MBOAT2: variants seen among roughly 807,000 people sequenced by gnomAD.
MBOAT2 encodes membrane bound glycerophospholipid O-acyltransferase 2.
A neutral mutation model predicts 63.4 loss-of-function variants in MBOAT2; 28 were observed. The observed-to-expected ratio is 0.44, with a 90% CI of 0.33 to 0.61. The LOEUF (loss-of-function observed/expected upper bound fraction) is 0.61, where lower values mean the gene tolerates loss of function less well. Among genes scored for constraint, MBOAT2 ranks in the 20% least tolerant of loss-of-function variants. MBOAT2 has a pLI of 0.03. For synonymous variants in MBOAT2, 211 were observed against 215.6 expected, an observed-to-expected ratio of 0.98 and a Z score of 0.19; for missense variants, 470 against 605.8, an observed-to-expected ratio of 0.78 and a Z score of 2.35.
chr2:8,882,900 TG>T (rs1337225191), intron 5 of MBOAT2, among the ~76,000 whole-genome samples: 2 of 152,206 alleles, frequency 1.3e-5, no homozygotes, highest in African/African-American at 4.8e-5. Flanking sequence ...TTTTCTATTA[TG>T]GGATGACTTA....
At chr2:8,934,025 C>G (rs1271576687) in intron 3 of MBOAT2, among the ~76,000 whole-genome samples, 2 of 152,178 alleles carry the variant, frequency 1.3e-5, no homozygotes, top group African/African-American at 2.4e-5. Context: ...CTCAATCACA[C>G]CCTTTCCTGA....
intron 2 of MBOAT2, among the ~76,000 whole-genome samples, chr2:8,954,227 G>A (rs1488224497): frequency 6.6e-6 from 1 of 152,096 alleles, no homozygotes; most frequent in East Asian, 1.9e-4. Flanking sequence ...ATCAGGCTGT[G>A]GAGTTCAACC....
At chr2:8,902,092 A>G (rs1459123612) in intron 4 of MBOAT2, among the ~76,000 whole-genome samples, 1 of 152,164 alleles carries the variant, frequency 6.6e-6, no homozygotes, top group African/African-American at 2.4e-5. Flanking sequence ...AGGTACAGGA[A>G]AAGTGGAAGC....
In MBOAT2 at chr2:8,881,763, G is replaced by T. The variant is rs1323920960; in HGVS notation, c.506+748C>A. On this transcript the variant is annotated intron_variant, in intron 6 of 12. Transcript: ENST00000305997. ...TTTTAAAGACAGGAAAATACAAAAA[G>T]ACCCCCAAGACATGCTACTTGGGAT... Among the ~76,000 whole-genome samples the T allele has an allele frequency of 3.2e-4, 49 of 152,074 alleles. 1 individual carries two copies. The highest frequency in any genetic ancestry group is 3.1e-3 in the Admixed American group (47 of 15,274).
At chr2:8,943,123 C>A in intron 3 of MBOAT2, 64 bp downstream of exon 3, 3 of 884,714 alleles carry the variant, frequency 3.4e-6, no homozygotes, top group South Asian at 5.5e-5. Flanking sequence ...AAATAAAATT[C>A]TATTTTGATG....
chr2:8,946,279 C>A (rs1301893610), intron 2 of MBOAT2, among the ~76,000 whole-genome samples: 1 of 152,146 alleles, frequency 6.6e-6, no homozygotes, highest in Admixed American at 6.5e-5. Context: ...ACCAAGGCAC[C>A]CACACTGGAA....
At position 8,862,781 on chromosome 2, in the gene MBOAT2, C is replaced by T; in HGVS notation, c.1053-59G>A. ...GAGTGAGTGACCCGAGTTTACAAAG[C>T]CTGCAATGATCATTCTTTTATTACC... On this transcript the variant is annotated intron_variant, in intron 10 of 12. Coordinates refer to ENST00000305997, the MANE Select transcript of MBOAT2 (RefSeq NM_138799.4). This position sits in a 1 kb window ranked among gnomAD's most constrained non-coding sequence, Gnocchi z 4.3. The T allele has an allele frequency of 1.3e-6, 2 of 1,555,094 alleles. No individual in the cohort carries two copies. The highest frequency in any genetic ancestry group is 1.7e-6 in the Non-Finnish European group (2 of 1,154,062).
chr2:8,987,422 T>A (rs562981555), intron 1 of MBOAT2, among the ~76,000 whole-genome samples: 1 of 152,358 alleles, frequency 6.6e-6, no homozygotes, highest in East Asian at 1.9e-4. Flanking sequence ...ACAATTAAGA[T>A]CTATGCATTT....
intron 2 of MBOAT2, 145 bp downstream of exon 2, chr2:8,958,352 A>C: frequency 1.3e-6 from 1 of 770,794 alleles, no homozygotes; most frequent in Middle Eastern, 4.3e-4. Context: ...TTGTTTCAAA[A>C]ATAAAAATAT....
chr2:8,869,478 G>C (rs968961240), intron 8 of MBOAT2, among the ~76,000 whole-genome samples: 2 of 152,138 alleles, frequency 1.3e-5, no homozygotes, highest in Non-Finnish European at 2.9e-5. Flanking sequence ...AATTGTTCAT[G>C]CTATTTGTAT....
intron 1 of MBOAT2, among the ~76,000 whole-genome samples, chr2:9,000,748 G>A (rs1672625398): frequency 6.6e-6 from 1 of 152,118 alleles, no homozygotes; most frequent in Admixed American, 6.6e-5. Context: ...GGACTTTACC[G>A]TACACCACTG....
intron 6 of MBOAT2, among the ~76,000 whole-genome samples, chr2:8,877,729 G>T (rs539784959): frequency 6.6e-6 from 1 of 152,346 alleles, no homozygotes; most frequent in South Asian, 2.1e-4. Flanking sequence ...GTCAGAGAAG[G>T]CCTCTCTGGT....
At position 8,868,043 on chromosome 2, in the gene MBOAT2, C is replaced by T. The variant is rs1053691395; in HGVS notation, c.987+403G>A. 1.8e-4 allele frequency among the ~76,000 whole-genome samples: 28 copies of T among 152,304 alleles called. 1 individual carries two copies. The highest frequency in any genetic ancestry group is 6.7e-4 in the African/African-American group (28 of 41,574). On this transcript the variant is annotated intron_variant, in intron 9 of 12. Coordinates refer to ENST00000305997, the MANE Select transcript of MBOAT2 (RefSeq NM_138799.4). ...TGCACAGCTCTCGGCTCCCAGGCTG[C>T]TCCCTCTACTTGGAGTGTCCGGTTG...
rs750212095 is a variant in MBOAT2, at chr2:8,864,242, A to C, written c.988-8T>G. ...CTTGAAACTTGTTGACATCTGAAAA[A>C]AAAGGAAACTTTTTTCTTTGTGTCA... On this transcript the variant is annotated splice_region_variant and splice_polypyrimidine_tract_variant and intron_variant, in intron 9 of 12. Coordinates refer to ENST00000305997, the MANE Select transcript of MBOAT2 (RefSeq NM_138799.4). 3.9e-6 allele frequency: 6 copies of C among 1,544,106 alleles called. No individual in the cohort carries two copies. Among genetic ancestry groups the C allele is most frequent in the Non-Finnish European group, 5.2e-6 (6 of 1,146,984 alleles).
chr2:8,906,505 G>A (rs139456848), intron 4 of MBOAT2, among the ~76,000 whole-genome samples: 5 of 152,342 alleles, frequency 3.3e-5, no homozygotes, highest in African/African-American at 4.8e-5. Flanking sequence ...CTGGTTCCCT[G>A]AATGACTGTG....
rs1197377095 is a variant in MBOAT2, at chr2:8,855,786, C to T, written c.*2893G>A. The T allele has an allele frequency of 6.6e-6, 1 of 152,012 alleles. No homozygotes were observed. The highest frequency in any genetic ancestry group is 1.5e-5 in the Non-Finnish European group (1 of 67,978). 9.4% of individuals were successfully genotyped at this position (152,012 alleles called of 1,614,324 possible). A position where few individuals can be genotyped will look rare whatever the true frequency, so the allele number is the denominator to read the frequency against. On this transcript the variant is annotated 3_prime_UTR_variant, in exon 13 of 13. Coordinates refer to ENST00000305997, the MANE Select transcript of MBOAT2 (RefSeq NM_138799.4). ...GAGTAGTTATTTTTGTTCATTTTTT[C>T]CCTGAGTAGTATATAATTAACCAAA...
intron 1 of MBOAT2, among the ~76,000 whole-genome samples, chr2:8,973,208 T>C (rs879558267): frequency 2.0e-4 from 31 of 152,272 alleles, no homozygotes; most frequent in Non-Finnish European, 4.1e-4. Flanking sequence ...GATGAGTTCA[T>C]GTCCTTTGTG....
At chr2:8,962,638 T>C (rs1669696045) in intron 1 of MBOAT2, among the ~76,000 whole-genome samples, 1 of 152,152 alleles carries the variant, frequency 6.6e-6, no homozygotes, top group Non-Finnish European at 1.5e-5. Flanking sequence ...TTGGAGATAG[T>C]TTATTACTGC....
At chr2:8,986,393 C>T (rs2103350540) in intron 1 of MBOAT2, among the ~76,000 whole-genome samples, 1 of 151,744 alleles carries the variant, frequency 6.6e-6, no homozygotes, top group South Asian at 2.1e-4. Context: ...GTGAAATCCC[C>T]TCTCTCCAAA....
Sources: gnomAD v4.1 joint callset for allele counts (sites outside exome capture counted in the v4.1 genomes callset) on GRCh38, gnomAD v4.1.1 for gene constraint, Gnocchi (gnomAD v3.1) non-coding constraint, MANE v1.5 for transcripts, NCBI Gene and HGNC (gene_info 2026-07-23, HGNC 2026-07-21) for gene names.